TMEM218: variants seen among roughly 807,000 people sequenced by gnomAD.
TMEM218 encodes the protein transmembrane protein 218.
In TMEM218, 8 loss-of-function variants were observed where a neutral mutation model predicts 10.0. The observed-to-expected ratio is 0.80, with a 90% CI of 0.47 to 1.44. The LOEUF (loss-of-function observed/expected upper bound fraction) is 1.44, where lower values mean the gene tolerates loss of function less well. Among genes scored for constraint, TMEM218 ranks in the 40% most tolerant of loss-of-function variants. TMEM218 has a pLI of 0.00. For synonymous variants in TMEM218, 66 were observed against 63.5 expected, an observed-to-expected ratio of 1.04 and a Z score of -0.18; for missense variants, 110 against 140.1, an observed-to-expected ratio of 0.79 and a Z score of 1.08.
At chr11:125,102,570 T>C in intron 2 of TMEM218, 164 bp downstream of exon 2, 1 of 1,347,750 alleles carries the variant, frequency 7.4e-7, no homozygotes, top group Non-Finnish European at 9.7e-7. Flanking sequence ...GGTACCTGAG[T>C]TCTACTTTGA....
intron 3 of TMEM218, 195 bp downstream of exon 3, chr11:125,101,937 C>A (rs1950892791): frequency 1.5e-6 from 1 of 647,526 alleles, no homozygotes; most frequent in Non-Finnish European, 2.4e-6. Flanking sequence ...AAGAACACTA[C>A]TTCCTTCTCC....
At chr11:125,099,586 A>G (rs770582170) in intron 4 of TMEM218, among the ~76,000 whole-genome samples, 10 of 152,232 alleles carry the variant, frequency 6.6e-5, no homozygotes, top group Non-Finnish European at 1.3e-4. Flanking sequence ...TTACATCTGC[A>G]GCATCCAGAA....
chr11:125,101,107 C>G, intron 4 of TMEM218, 94 bp downstream of exon 4: 1 of 999,580 alleles, frequency 1.0e-6, no homozygotes, highest in Non-Finnish European at 1.5e-6. Context: ...CTCAGGCAAC[C>G]CGATGTCAGG....
rs1949580066 is a variant in TMEM218 at position 125,095,859 on chromosome 11, C to T, written c.*1747G>A. On this transcript the variant is annotated 3_prime_UTR_variant, in exon 5 of 5. Transcript: ENST00000682305. ...AAAAAGATGGATTCATGGTCAGGAA[C>T]CTATAAGAGTTTTCCCAGAGTTACT... 6.6e-6 allele frequency among the ~76,000 whole-genome samples: 1 copy of T among 152,044 alleles called. No individual in the cohort carries two copies. Among genetic ancestry groups the T allele is most frequent in the Non-Finnish European group, 1.5e-5 (1 of 68,012 alleles).
In TMEM218 at chr11:125,102,146, G is replaced by A; in HGVS notation, c.96C>T (p.Ala32=). The change falls in exon 3 of 5, where the codon GCC becomes GCT. Residue 32 remains alanine (A), a synonymous_variant. Coordinates refer to ENST00000682305, the MANE Select transcript of TMEM218 (RefSeq NM_001258244.2). ...VLLLCVLLSR[A]SGAARFSVIF... ...GAATGCCTTACCTCGCCGCCCCGGAGGCTCTGGACAGCAGCACACACAGCA... is the reference window on the plus strand; with the variant it reads ...GAATGCCTTACCTCGCCGCCCCGGAAGCTCTGGACAGCAGCACACACAGCA... 1 of 1,569,976 alleles carries A rather than the reference G, an allele frequency of 6.4e-7. No individual in the cohort carries two copies. Among genetic ancestry groups the A allele is most frequent in the Non-Finnish European group, 8.6e-7 (1 of 1,162,018 alleles).
At chr11:125,100,871 T>C (rs1950604966) in intron 4 of TMEM218, among the ~76,000 whole-genome samples, 2 of 152,184 alleles carry the variant, frequency 1.3e-5, no homozygotes, top group South Asian at 4.1e-4. Flanking sequence ...TGACTATCCC[T>C]ATTTCATTTT....
rs151202581 is a variant in TMEM218 at position 125,099,144 on chromosome 11, C to A, written c.214-1404G>T. ...GCCATACACAAAGTATCTCTCAGAC[C>A]CGAGCCCTAGTAGGATCACTGAGGT... On this transcript the variant is annotated intron_variant, in intron 4 of 4. Coordinates refer to ENST00000682305, the MANE Select transcript of TMEM218 (RefSeq NM_001258244.2). Among the ~76,000 whole-genome samples, 27 of 152,230 alleles carry A rather than the reference C, an allele frequency of 1.8e-4. No homozygotes were observed. The East Asian group carries it at 5.2e-3, about 29-fold the overall frequency.
At chr11:125,101,693 T>TA in intron 3 of TMEM218, 1 of 555,232 alleles carries the variant, frequency 1.8e-6, no homozygotes, top group Non-Finnish European at 3.1e-6. Context: ...AGTGCAACTC[T>TA]AGTGTTTTCA....
Position 125,094,488 on chromosome 11 carries a change from A to C in TMEM218, c.*3118T>G, listed in dbSNP as rs775932614. Among the ~76,000 whole-genome samples, 52 of 152,244 alleles carry C rather than the reference A, an allele frequency of 3.4e-4. No homozygotes were observed. The highest frequency in any genetic ancestry group is 6.5e-4 in the Non-Finnish European group (44 of 68,044). On this transcript the variant is annotated 3_prime_UTR_variant, in exon 5 of 5. Transcript: ENST00000682305. ...AAGAAACAGTATTAACCAATGTAAA[A>C]ATAAGGAGTTACTTGAAAGTCAAAA...
rs933934127 is a variant in TMEM218 at position 125,097,798 on chromosome 11, A to G, written c.214-58T>C. On this transcript the variant is annotated intron_variant, in intron 4 of 4. Transcript: ENST00000682305. The stretch of plus-strand genomic sequence containing the variant: ...ACCAGTTAGACACCCTGGCTGGGTT[A>G]ACCTGAACTCCATGATGAGTGGGCC... The G allele has an allele frequency of 5.8e-6, 9 of 1,554,652 alleles. No homozygotes were observed. The African/African-American group carries it at 8.2e-5, about 14-fold the overall frequency.
intron 1 of TMEM218, among the ~76,000 whole-genome samples, chr11:125,107,336 C>T (rs911189848): frequency 2.6e-5 from 4 of 152,074 alleles, no homozygotes; most frequent in Non-Finnish European, 5.9e-5. Flanking sequence ...TGTGTATTAC[C>T]CTTCACTAAA....
At chr11:125,102,660 G>A in intron 2 of TMEM218, 74 bp downstream of exon 2, 1 of 1,293,846 alleles carries the variant, frequency 7.7e-7, no homozygotes, top group Non-Finnish European at 1.0e-6. Flanking sequence ...GAAGACACCA[G>A]GGCATGGGAA....
chr11:125,102,844 A>G (rs749282648), intron 1 of TMEM218, 35 bp from the exon 2 acceptor site: 1 of 571,544 alleles, frequency 1.7e-6, no homozygotes, highest in Non-Finnish European at 2.7e-6. Flanking sequence ...CTATTTTTGA[A>G]CATTCACTGT....
intron 1 of TMEM218, among the ~76,000 whole-genome samples, chr11:125,109,303 A>C (rs1264208633): frequency 6.6e-6 from 1 of 152,190 alleles, no homozygotes; most frequent in Non-Finnish European, 1.5e-5. Context: ...TTTCTGACGA[A>C]CGTATATACA....
At chr11:125,101,365 G>T (rs539393169) in intron 3 of TMEM218, 62 bp from the exon 4 acceptor site, 11 of 1,539,582 alleles carry the variant, frequency 7.1e-6, no homozygotes, top group Middle Eastern at 1.7e-4. Flanking sequence ...GATCAGTTAG[G>T]TCTGGACAGT....
chr11:125,106,345 A>G (rs1952137899), intron 1 of TMEM218, among the ~76,000 whole-genome samples: 1 of 152,204 alleles, frequency 6.6e-6, no homozygotes, highest in Non-Finnish European at 1.5e-5. Flanking sequence ...AATATTAAGA[A>G]CAGTGACAAA....
At chr11:125,109,132 T>A (rs1565440072) in intron 1 of TMEM218, among the ~76,000 whole-genome samples, 1 of 152,138 alleles carries the variant, frequency 6.6e-6, no homozygotes, top group Non-Finnish European at 1.5e-5. Context: ...TATATATTCA[T>A]AATGAATACT....
rs542526183 is a variant in TMEM218, at chr11:125,097,512, G to A, written c.*94C>T. The A allele has an allele frequency of 1.7e-4, 235 of 1,397,746 alleles. No individual in the cohort carries two copies. In the Middle Eastern group the frequency reaches 2.8e-3, roughly 16 times the overall value. 86.6% of individuals were successfully genotyped at this position (1,397,746 alleles called of 1,614,324 possible). ...ATACTCCTCTAACCTTAAGGCATGA[G>A]GGCTGTCAAAACAAGGCTCTGAATA... On this transcript the variant is annotated 3_prime_UTR_variant, in exon 5 of 5. Transcript: ENST00000682305.
chr11:125,111,101 T>C (rs558967822), intron 1 of TMEM218, among the ~76,000 whole-genome samples: 31 of 152,194 alleles, frequency 2.0e-4, no homozygotes, highest in African/African-American at 7.0e-4. Context: ...GTGTTGTGGG[T>C]TGGAAGCGCT....
Sources: gnomAD v4.1 joint callset for allele counts (sites outside exome capture counted in the v4.1 genomes callset) on GRCh38, gnomAD v4.1.1 for gene constraint, MANE v1.5 for transcripts, NCBI Gene and HGNC (gene_info 2026-07-23, HGNC 2026-07-21) for gene names.